The following PRSS55 variants were observed in gnomAD, a reference collection of about 807,000 sequenced individuals.
PRSS55 encodes the protein serine protease 55.
In PRSS55, 41 loss-of-function variants were observed where a neutral mutation model predicts 23.6. The ratio of observed to expected loss-of-function variants is 1.74; its 90% confidence interval spans 1.35 to 2.26. The LOEUF (loss-of-function observed/expected upper bound fraction) is 2.26. PRSS55 is among the 30% of genes most tolerant of loss of function. The pLI, the probability that PRSS55 is intolerant of heterozygous loss-of-function variation, is 0.00. For missense variants in PRSS55, 669 were observed against 439.1 expected, an observed-to-expected ratio of 1.52 and a Z score of -4.68; for synonymous variants, 262 against 175.5, an observed-to-expected ratio of 1.49 and a Z score of -3.90.
chr8:10,527,744 C>T (rs1328485234), intron 1 of PRSS55, among the ~76,000 whole-genome samples: 2 of 152,238 alleles, frequency 1.3e-5, no homozygotes, highest in South Asian at 4.1e-4. Flanking sequence ...AACTACTTAA[C>T]CTCTCTGTAC....
chr8:10,546,244 T>C (rs575484993), intron 4 of PRSS55, among the ~76,000 whole-genome samples: 67 of 152,288 alleles, frequency 4.4e-4, no homozygotes, highest in South Asian at 1.7e-3. Flanking sequence ...AGTAAGGCTA[T>C]TGAGGCTGTA....
chr8:10,553,024 C>G (rs754916971), intron 4 of PRSS55, among the ~76,000 whole-genome samples: 6 of 152,152 alleles, frequency 3.9e-5, no homozygotes, highest in Non-Finnish European at 7.3e-5. Context: ...GTTCTGTGTC[C>G]CCACCCAAAT....
chr8:10,549,788 C>A (rs368617305), intron 4 of PRSS55, among the ~76,000 whole-genome samples: 144 of 139,898 alleles, frequency 1.0e-3, no homozygotes, highest in African/African-American at 3.3e-3. Flanking sequence ...CAGCTCCCCG[C>A]TCTGTCATTT....
At chr8:10,531,081 G>A (rs139612895) in intron 2 of PRSS55, among the ~76,000 whole-genome samples, 1 of 148,892 alleles carries the variant, frequency 6.7e-6, no homozygotes, top group East Asian at 2.0e-4. Context: ...CAGTGGTCTG[G>A]CTGTGGTCTG....
chr8:10,529,991 A>G (rs77013419), intron 2 of PRSS55, among the ~76,000 whole-genome samples: 4,450 of 152,240 alleles, frequency 0.029, 112 homozygotes, highest in Non-Finnish European at 0.05. Context: ...CTTGGTCCAA[A>G]TGCCTCTCCT....
At chr8:10,543,795 A>G (rs1291381567), downstream of PRSS55, among the ~76,000 whole-genome samples, 1 of 151,928 alleles carries the variant, frequency 6.6e-6, no homozygotes, top group Non-Finnish European at 1.5e-5. Flanking sequence ...TTACTCATTG[A>G]TTATTTAAGA....
chr8:10,538,636 T>C lies in PRSS55; in HGVS notation c.902T>C (p.Leu301Pro), dbSNP rs146805637. Residue 301 changes from leucine to proline, a missense_variant, in exon 5 of 5, where the codon CTA (leucine) becomes CCA (proline). Coordinates refer to ENST00000328655, the MANE Select transcript of PRSS55 (RefSeq NM_198464.4). ...YNLWIEKVTQ[L>P]EGRPFNAEKR... is the part of the protein sequence containing the mutation. ...CTCTGGATCGAGAAAGTGACCCAGC[T>C]AGAGGGCAGGCCCTTCAATGCAGAG... The C allele has an allele frequency of 1.8e-4, 292 of 1,613,960 alleles. 1 individual carries two copies. Among genetic ancestry groups the C allele is most frequent in the Non-Finnish European group, 2.4e-4 (280 of 1,180,022 alleles).
intron 3 of PRSS55, 104 bp from the exon 4 acceptor site, chr8:10,532,802 G>A: frequency 7.0e-7 from 1 of 1,427,300 alleles, no homozygotes. Context: ...GAAGGAAGGG[G>A]ATGGGGGCTG....
At chr8:10,530,955 G>A (rs1198859879) in intron 2 of PRSS55, among the ~76,000 whole-genome samples, 2 of 152,164 alleles carry the variant, frequency 1.3e-5, no homozygotes, top group African/African-American at 2.4e-5. Context: ...CTGAAGGTCA[G>A]TTTGATCCGT....
chr8:10,548,714 C>A (rs995576139), intron 4 of PRSS55, among the ~76,000 whole-genome samples: 6 of 152,218 alleles, frequency 3.9e-5, no homozygotes, highest in Non-Finnish European at 8.8e-5. Flanking sequence ...CAGCATGAGG[C>A]ACCCACGGCT....
chr8:10,539,040 G>A (rs1382067137), downstream of PRSS55, among the ~76,000 whole-genome samples: 1 of 150,530 alleles, frequency 6.6e-6, no homozygotes, highest in African/African-American at 2.4e-5. Flanking sequence ...GGCATTTATG[G>A]ATACATATAA....
rs752951156 is a variant in PRSS55, at chr8:10,525,704, G to T, written c.119G>T (p.Arg40Leu). The T allele has an allele frequency of 3.7e-6, 6 of 1,612,976 alleles. No homozygotes were observed. Among genetic ancestry groups the T allele is most frequent in the Non-Finnish European group, 4.2e-6 (5 of 1,179,550 alleles). The change falls in exon 1 of 5, where the codon CGC becomes CTC. Residue 40 changes from arginine (R) to leucine (L), a missense_variant. By Grantham distance (102) the Arg-to-Leu change is moderately radical. Transcript: ENST00000328655. Reference sequence around the variant, plus strand: ...CTAGGCAGGGCTAGGGGAGCCCACCGCCCTCAGCCCCCTCATCCCCCCAGC... The same window carrying T: ...CTAGGCAGGGCTAGGGGAGCCCACCTCCCTCAGCCCCCTCATCCCCCCAGC... ...AILGRARGAHRPQPPHPPSPV... is the reference protein window; with the variant it reads ...AILGRARGAHLPQPPHPPSPV...
chr8:10,533,455 T>A (rs1222461867), intron 4 of PRSS55, among the ~76,000 whole-genome samples: 1 of 152,180 alleles, frequency 6.6e-6, no homozygotes, highest in African/African-American at 2.4e-5. Flanking sequence ...GTTCCTTACC[T>A]AAGGGACCCT....
At chr8:10,526,374 G>T (rs1269609276) in intron 1 of PRSS55, among the ~76,000 whole-genome samples, 3 of 152,194 alleles carry the variant, frequency 2.0e-5, no homozygotes, top group African/African-American at 7.2e-5. Flanking sequence ...TGTCTGCCTG[G>T]CCTGCGCTGG....
At chr8:10,530,284 G>A (rs1318621706) in intron 2 of PRSS55, among the ~76,000 whole-genome samples, 1 of 152,144 alleles carries the variant, frequency 6.6e-6, no homozygotes. Flanking sequence ...AGACTGGCCT[G>A]GCCAATATGG....
downstream of PRSS55, among the ~76,000 whole-genome samples, chr8:10,542,162 C>A (rs35847318): frequency 6.6e-6 from 1 of 151,964 alleles, no homozygotes; most frequent in Non-Finnish European, 1.5e-5. Context: ...ATTAGTTAGG[C>A]TACAGGATTA....
At position 10,529,608 on chromosome 8, in the gene PRSS55, C is replaced by G; in HGVS notation, c.256C>G (p.Gln86Glu). Residue 86 changes from glutamine (Q) to glutamate (E), a missense_variant, in exon 2 of 5, where the codon CAG becomes GAG. Coordinates refer to ENST00000328655, the MANE Select transcript of PRSS55 (RefSeq NM_198464.4). ...TGAGTTTCCGTGGCAGGTGAGTATTCAGGCAAGAAGTGAACCTTTCTGTGG... is the reference window on the plus strand; with the variant it reads ...TGAGTTTCCGTGGCAGGTGAGTATTGAGGCAAGAAGTGAACCTTTCTGTGG... ...VGEFPWQVSIQARSEPFCGGS... is the reference protein window; with the variant it reads ...VGEFPWQVSIEARSEPFCGGS... 1 of 1,614,176 alleles carries G rather than the reference C, an allele frequency of 6.2e-7. No individual in the cohort carries two copies. Among genetic ancestry groups the G allele is most frequent in the Non-Finnish European group, 8.5e-7 (1 of 1,180,028 alleles).
At chr8:10,548,337 C>T (rs1358213781) in intron 4 of PRSS55, among the ~76,000 whole-genome samples, 2 of 152,124 alleles carry the variant, frequency 1.3e-5, no homozygotes, top group Non-Finnish European at 2.9e-5. Context: ...AGGCAGGTGA[C>T]AGACACAGCC....
rs367656548 is a variant in PRSS55, at chr8:10,529,737, C to T, written c.347+38C>T. ...GGCCTCCCACTGCCACCTCTCAGGGCGCCCACCCCTGGGGCACCCTCCCCC... is the reference window on the plus strand; with the variant it reads ...GGCCTCCCACTGCCACCTCTCAGGGTGCCCACCCCTGGGGCACCCTCCCCC... On this transcript the variant is annotated intron_variant, in intron 2 of 4. Transcript: ENST00000328655. The T allele has an allele frequency of 6.0e-5, 94 of 1,577,912 alleles. No homozygotes were observed. The South Asian group carries it at 6.0e-4, about 10-fold the overall frequency.
Sources: gnomAD v4.1 joint callset for allele counts (sites outside exome capture counted in the v4.1 genomes callset) on GRCh38, gnomAD v4.1.1 for gene constraint, MANE v1.5 for transcripts, NCBI Gene and HGNC (gene_info 2026-07-23, HGNC 2026-07-21) for gene names.